ECD: variants seen among roughly 807,000 people sequenced by gnomAD.
The protein encoded by ECD is protein ecdysoneless homolog.
In ECD, 59 loss-of-function variants were observed where a neutral mutation model predicts 77.2. That is an observed-to-expected ratio of 0.76 (90% CI 0.62 to 0.95). The LOEUF (loss-of-function observed/expected upper bound fraction) is 0.95. Among genes scored for constraint, ECD ranks in the 40% least tolerant of loss-of-function variants. The pLI is 0.00. For synonymous variants in ECD, 233 were observed against 267.4 expected (o/e 0.87, Z 1.26); for missense variants, 704 against 763.4 (o/e 0.92, Z 0.92).
At chr10:73,151,993 G>C (rs1156882129) in intron 7 of ECD, among the ~76,000 whole-genome samples, 1 of 151,860 alleles carries the variant, frequency 6.6e-6, no homozygotes, top group Non-Finnish European at 1.5e-5. Flanking sequence ...AATTATAAAA[G>C]GTTCTTGGTT....
chr10:73,165,925 A>AT (rs1035997342), intron 1 of ECD, among the ~76,000 whole-genome samples: 3 of 151,628 alleles, frequency 2.0e-5, no homozygotes, highest in Non-Finnish European at 2.9e-5. Context: ...CATTCACTCT[A>AT]TTTTTTTTGT....
At chr10:73,165,388 G>A (rs1182170158) in intron 1 of ECD, among the ~76,000 whole-genome samples, 1 of 149,498 alleles carries the variant, frequency 6.7e-6, no homozygotes, top group African/African-American at 2.5e-5. Context: ...GTCTCGCTCT[G>A]TCGCCCAGGC....
intron 9 of ECD, 73 bp downstream of exon 9, chr10:73,146,196 GAATAATA>G (rs1046210899): frequency 2.9e-6 from 2 of 690,104 alleles, no homozygotes; most frequent in South Asian, 4.3e-5. Flanking sequence ...AAATAAATAA[GAATAATA>G]AATAATAAAT....
At chr10:73,166,408 C>T (rs572854760) in intron 1 of ECD, among the ~76,000 whole-genome samples, 12 of 152,248 alleles carry the variant, frequency 7.9e-5, no homozygotes, top group Non-Finnish European at 1.3e-4. Context: ...CAAAACTGTT[C>T]TCCATAGTGA....
At chr10:73,148,139 C>A (rs1843152219) in intron 8 of ECD, 137 bp downstream of exon 8, 3 of 1,081,088 alleles carry the variant, frequency 2.8e-6, no homozygotes, top group Non-Finnish European at 3.8e-6. Context: ...CTGAGTACCA[C>A]TGAACTAGAA....
chr10:73,161,189 C>T (rs1280155490), intron 2 of ECD, among the ~76,000 whole-genome samples: 2 of 151,084 alleles, frequency 1.3e-5, no homozygotes, highest in African/African-American at 4.9e-5. Context: ...AAAACTAAAC[C>T]CAAACCTAGC....
rs563682731 is a variant in ECD at position 73,156,346 on chromosome 10, T to C, written c.519A>G (p.Ile173Met). ...GTATTTTTTCTGAATGTGCTGTGAT[T>C]ATATTCAATGCTTGTGGAATTGTTG... Reference protein sequence around the residue: ...TPPTIPQALNIITAHSEKILA... With the variant: ...TPPTIPQALNMITAHSEKILA... The change falls in exon 5 of 14, where the codon ATA (isoleucine) becomes ATG (methionine). Residue 173 changes from isoleucine to methionine, a missense_variant. Ile to Met is a conservative substitution (Grantham distance 10). This residue lies in a region of ECD where 559 missense variants were observed against 583.7 expected (regional missense o/e 0.96). Coordinates refer to ENST00000372979, the MANE Select transcript of ECD (RefSeq NM_007265.3). 1.9e-6 allele frequency: 3 copies of C among 1,613,632 alleles called. No homozygotes were observed. Among genetic ancestry groups the C allele is most frequent in the Admixed American group, 3.3e-5 (2 of 59,884 alleles).
At chr10:73,159,035 A>C (rs1341369259) in intron 3 of ECD, among the ~76,000 whole-genome samples, 1 of 152,220 alleles carries the variant, frequency 6.6e-6, no homozygotes, top group Non-Finnish European at 1.5e-5. Context: ...TGAGTTGGTA[A>C]TTGTTGAAGC....
At position 73,134,765 on chromosome 10, in the gene ECD, C is replaced by A; in HGVS notation, c.1753G>T (p.Gly585Cys). Residue 585 changes from glycine (G) to cysteine (C), a missense_variant, in exon 14 of 14, where the codon GGT becomes TGT. Transcript: ENST00000372979. Reference protein sequence around the residue: ...TDNNSDEEDSGTGESVMAPVD... With the variant: ...TDNNSDEEDSCTGESVMAPVD... ...GGTGCCATAACAGATTCTCCCGTAC[C>A]AGAATCTTCCTCATCTGAATTGTTA... 1 of 1,614,154 alleles carries A rather than the reference C, an allele frequency of 6.2e-7. No homozygotes were observed. Among genetic ancestry groups the A allele is most frequent in the South Asian group, 1.1e-5 (1 of 91,082 alleles).
At chr10:73,142,890 A>C (rs188787188) in intron 9 of ECD, among the ~76,000 whole-genome samples, 3 of 152,188 alleles carry the variant, frequency 2.0e-5, no homozygotes, top group Non-Finnish European at 1.5e-5. Flanking sequence ...TCTCTTTTCA[A>C]AGAAAACTTC....
intron 5 of ECD, among the ~76,000 whole-genome samples, chr10:73,155,594 CTTTTT>C (rs537974204): frequency 8.0e-6 from 1 of 124,814 alleles, no homozygotes; most frequent in Non-Finnish European, 1.7e-5. Context: ...TAGGTTTCTA[CTTTTT>C]TTTTTTTTTT....
chr10:73,155,700 G>A (rs902863574), intron 5 of ECD, among the ~76,000 whole-genome samples: 5 of 150,158 alleles, frequency 3.3e-5, no homozygotes, highest in Non-Finnish European at 5.9e-5. Flanking sequence ...CCGGGTTCAA[G>A]CGATTCTCCT....
intron 3 of ECD, among the ~76,000 whole-genome samples, chr10:73,158,695 C>T (rs753461388): frequency 9.2e-4 from 139 of 151,858 alleles, no homozygotes; most frequent in Non-Finnish European, 1.2e-3. Flanking sequence ...GAGATTGTTC[C>T]ACTGCAGTCC....
intron 11 of ECD, among the ~76,000 whole-genome samples, chr10:73,139,091 G>C (rs528152955): frequency 6.6e-6 from 1 of 152,012 alleles, no homozygotes; most frequent in Non-Finnish European, 1.5e-5. Flanking sequence ...ATGGTTTTTA[G>C]GGTGATCTTT....
rs1843515179 is a variant in ECD at position 73,167,943 on chromosome 10, G to C, written c.-91C>G. ...CTCTCCGACTGCGAGAGCTGATCGA[G>C]AGCTGCCACCGGCCGCCGAAGCCTG... On this transcript the variant is annotated 5_prime_UTR_variant, in exon 1 of 14. Transcript: ENST00000372979. The C allele has an allele frequency of 4.5e-6, 1 of 222,036 alleles. No homozygotes were observed. The highest frequency in any genetic ancestry group is 8.8e-6 in the Non-Finnish European group (1 of 113,408). 13.8% of individuals were successfully genotyped at this position (222,036 alleles called of 1,614,324 possible).
intron 11 of ECD, 109 bp downstream of exon 11, chr10:73,139,200 G>C (rs1400564176): frequency 4.3e-5 from 47 of 1,099,324 alleles, no homozygotes; most frequent in Non-Finnish European, 5.6e-5. Flanking sequence ...AAAGCAAGCA[G>C]TACAACTCAT....
chr10:73,148,139 C>T (rs1843152219), intron 8 of ECD, 137 bp downstream of exon 8: 1 of 1,080,970 alleles, frequency 9.3e-7, no homozygotes, highest in Non-Finnish European at 1.3e-6. Context: ...CTGAGTACCA[C>T]TGAACTAGAA....
At chr10:73,160,599 G>T in intron 2 of ECD, 48 bp from the exon 3 acceptor site, 1 of 1,349,962 alleles carries the variant, frequency 7.4e-7, no homozygotes, top group Non-Finnish European at 1.0e-6. Flanking sequence ...ATTTGTTACT[G>T]CAAATAAAAT....
chr10:73,150,868 A>G (rs1843192501), intron 7 of ECD, among the ~76,000 whole-genome samples: 3 of 152,226 alleles, frequency 2.0e-5, no homozygotes, highest in Admixed American at 1.3e-4. Context: ...TTAAAAAGTC[A>G]GAGAACAACA....
Sources: gnomAD v4.1 joint callset for allele counts (sites outside exome capture counted in the v4.1 genomes callset) on GRCh38, gnomAD v4.1.1 for gene constraint, gnomAD v4.1.1 regional missense constraint, MANE v1.5 for transcripts, NCBI Gene and HGNC (gene_info 2026-07-23, HGNC 2026-07-21) for gene names.